Variants in GSK3B observed in about 807,000 individuals in gnomAD.
GSK3B encodes the protein glycogen synthase kinase 3 beta.
GSK3B carries 15 observed loss-of-function variants against 56.4 expected under a neutral mutation model. The ratio of observed to expected loss-of-function variants is 0.27; its 90% CI spans 0.18 to 0.41. GSK3B has a LOEUF of 0.41. GSK3B is among the 10% of genes least tolerant of loss of function. The pLI is 1.00. For missense variants in GSK3B, 300 were observed against 513.4 expected, an observed-to-expected ratio of 0.58 and a Z score of 4.02; for synonymous variants, 181 against 188.9, an observed-to-expected ratio of 0.96 and a Z score of 0.34.
At chr3:119,936,147 C>G (rs75525115) in intron 3 of GSK3B, among the ~76,000 whole-genome samples, 1 of 151,762 alleles carries the variant, frequency 6.6e-6, no homozygotes, top group East Asian at 1.9e-4. Flanking sequence ...AGACTGAATG[C>G]TTTGCCACTA....
chr3:120,037,957 G>A (rs1301083274), intron 1 of GSK3B, among the ~76,000 whole-genome samples: 3 of 152,040 alleles, frequency 2.0e-5, no homozygotes, highest in Non-Finnish European at 1.5e-5. Context: ...AACATCTAAA[G>A]AAGTCTTTAT....
intron 1 of GSK3B, among the ~76,000 whole-genome samples, chr3:120,047,136 A>G (rs776962099): frequency 2.0e-5 from 3 of 152,196 alleles, no homozygotes; most frequent in Non-Finnish European, 4.4e-5. Context: ...CACGATAGGC[A>G]AACAGAATTT....
chr3:120,010,403 T>A (rs2057768235), intron 1 of GSK3B, among the ~76,000 whole-genome samples: 2 of 152,216 alleles, frequency 1.3e-5, no homozygotes, highest in South Asian at 2.1e-4. Context: ...GAACTTAAAC[T>A]CTAAATGAAG....
chr3:120,057,433 T>C (rs1392709164), intron 1 of GSK3B, among the ~76,000 whole-genome samples: 1 of 152,164 alleles, frequency 6.6e-6, no homozygotes, highest in Non-Finnish European at 1.5e-5. Context: ...ATAGGTAAAG[T>C]TCTGCTACGA....
chr3:120,056,314 G>C (rs189244004), intron 1 of GSK3B, among the ~76,000 whole-genome samples: 93 of 151,916 alleles, frequency 6.1e-4, no homozygotes, highest in African/African-American at 2.2e-3. Context: ...TTTTGAGATG[G>C]AGTAAACAAA....
chr3:119,923,224 A>G (rs2056860485), intron 4 of GSK3B, 149 bp downstream of exon 4: 1 of 478,170 alleles, frequency 2.1e-6, no homozygotes, highest in African/African-American at 2.0e-5. Flanking sequence ...TAAAACTGTA[A>G]AAGGATTTAA....
intron 9 of GSK3B, among the ~76,000 whole-genome samples, chr3:119,850,135 GA>G (rs143432590): frequency 2.0e-5 from 3 of 151,654 alleles, no homozygotes; most frequent in African/African-American, 4.8e-5. Context: ...AGGGTAAGGG[GA>G]AAAAAAGTGA....
At chr3:119,991,805 A>G (rs1032075703) in intron 2 of GSK3B, among the ~76,000 whole-genome samples, 7 of 152,066 alleles carry the variant, frequency 4.6e-5, no homozygotes, top group Non-Finnish European at 1.0e-4. Flanking sequence ...AGGGTGATAC[A>G]AGGAAAAAAA....
chr3:119,870,135 C>A (rs75117661), intron 8 of GSK3B, among the ~76,000 whole-genome samples: 2,437 of 152,302 alleles, frequency 0.016, 64 homozygotes, highest in African/African-American at 0.056. Flanking sequence ...CATCCCACCT[C>A]ATGTATTATC....
intron 3 of GSK3B, among the ~76,000 whole-genome samples, chr3:119,934,291 T>A (rs2056973335): frequency 6.6e-6 from 1 of 152,338 alleles, no homozygotes; most frequent in East Asian, 1.9e-4. Context: ...GTCGACAGTA[T>A]ATGTCCTTGA....
chr3:119,965,453 C>T (rs1479758148), intron 2 of GSK3B, among the ~76,000 whole-genome samples: 1 of 151,800 alleles, frequency 6.6e-6, no homozygotes, highest in Non-Finnish European at 1.5e-5. Context: ...CTCAAGCAAT[C>T]CTCCCGCTTT....
At chr3:120,013,154 G>C (rs142186631) in intron 1 of GSK3B, among the ~76,000 whole-genome samples, 3 of 152,058 alleles carry the variant, frequency 2.0e-5, no homozygotes, top group African/African-American at 7.2e-5. Context: ...TCCACTCCAC[G>C]ATGAATACGG....
rs559230486 is a variant in GSK3B, at chr3:120,063,291, C to T, written c.88+30056G>A. On this transcript the variant is annotated intron_variant, in intron 1 of 10. Coordinates refer to ENST00000264235, the MANE Select transcript of GSK3B (RefSeq NM_001146156.2). ...GCACTTCTATACTGTTTTGAGTATC[C>T]GTGGTAAAATATCTTTATGATAAAA... Among the ~76,000 whole-genome samples, 4 of 152,064 alleles carry T rather than the reference C, an allele frequency of 2.6e-5. No homozygotes were observed. In the South Asian group the frequency reaches 6.2e-4, roughly 24 times the overall value.
intron 9 of GSK3B, among the ~76,000 whole-genome samples, chr3:119,860,831 G>A (rs1214295612): frequency 6.6e-6 from 1 of 152,172 alleles, no homozygotes; most frequent in Non-Finnish European, 1.5e-5. Context: ...AACATTCACT[G>A]AGCACCTACT....
intron 8 of GSK3B, among the ~76,000 whole-genome samples, chr3:119,864,459 A>T (rs992210514): frequency 4.6e-5 from 7 of 152,256 alleles, no homozygotes; most frequent in Admixed American, 4.6e-4. Context: ...ATAAAAATAA[A>T]AAGGTAAGGA....
rs922131776 is a variant in GSK3B at position 119,900,894 on chromosome 3, T to C, written c.813+4861A>G. Reference sequence around the variant, plus strand: ...ATATTTATAGAAGTATTTTTCATGATGTGCTAGAACAGTAAGTGATTTTTG... The same window carrying C: ...ATATTTATAGAAGTATTTTTCATGACGTGCTAGAACAGTAAGTGATTTTTG... On this transcript the variant is annotated intron_variant, in intron 7 of 10. Transcript: ENST00000264235. 2.6e-5 allele frequency among the ~76,000 whole-genome samples: 4 copies of C among 152,170 alleles called. 1 individual carries two copies. Among genetic ancestry groups the C allele is most frequent in the Non-Finnish European group, 5.9e-5 (4 of 68,016 alleles).
intron 5 of GSK3B, among the ~76,000 whole-genome samples, chr3:119,915,095 T>C (rs1266351461): frequency 6.6e-6 from 1 of 151,890 alleles, no homozygotes; most frequent in African/African-American, 2.4e-5. Context: ...AAAGGTTAGA[T>C]CAGAGAGGCA....
At chr3:119,985,609 T>C (rs1211934107) in intron 2 of GSK3B, among the ~76,000 whole-genome samples, 1 of 152,172 alleles carries the variant, frequency 6.6e-6, no homozygotes, top group East Asian at 1.9e-4. Flanking sequence ...ATTAAATACC[T>C]AGGAATACAA....
At position 119,837,060 on chromosome 3, in the gene GSK3B, A is replaced by G. The variant is rs140155853; in HGVS notation, c.1195+6195T>C. 4.5e-4 allele frequency among the ~76,000 whole-genome samples: 68 copies of G among 152,360 alleles called. No individual in the cohort carries two copies. The East Asian group carries it at 9.8e-3, about 22-fold the overall frequency. ...TCATTAACATTTGAAGGACTTTTAC[A>G]TGGAAGGATCTGGATGGTTCTGTTA... On this transcript the variant is annotated intron_variant, in intron 10 of 10. Coordinates refer to ENST00000264235, the MANE Select transcript of GSK3B (RefSeq NM_001146156.2).
Sources: gnomAD v4.1 joint callset for allele counts (sites outside exome capture counted in the v4.1 genomes callset) on GRCh38, gnomAD v4.1.1 for gene constraint, MANE v1.5 for transcripts, NCBI Gene and HGNC (gene_info 2026-07-23, HGNC 2026-07-21) for gene names.